Variants in USP13 observed in about 807,000 individuals in gnomAD.
USP13 encodes ubiquitin carboxyl-terminal hydrolase 13.
Under a neutral mutation model 107.8 loss-of-function variants are expected in USP13, and 68 were observed. The ratio of observed to expected loss-of-function variants is 0.63; its 90% CI spans 0.52 to 0.77. The LOEUF is 0.77. Among genes scored for constraint, USP13 ranks in the 30% least tolerant of loss-of-function variants. The pLI, the probability that USP13 is intolerant of heterozygous loss-of-function variation, is 0.00. For missense variants in USP13, 945 were observed against 1,093.3 expected (o/e 0.86, Z 1.91); for synonymous variants, 377 against 389.5 (o/e 0.97, Z 0.38).
chr3:179,745,032 C>G lies in USP13; in HGVS notation c.1535-11C>G. 6.2e-7 allele frequency: 1 copy of G among 1,614,028 alleles called. No homozygotes were observed. The highest frequency in any genetic ancestry group is 8.5e-7 in the Non-Finnish European group (1 of 1,179,972). On this transcript the variant is annotated splice_polypyrimidine_tract_variant and intron_variant, in intron 12 of 20. Coordinates refer to ENST00000263966, the MANE Select transcript of USP13 (RefSeq NM_003940.3). ...GCGATTGCAAGGTCTTTGATTTGCT[C>G]TTTCACCCAGATGAACTGATCGCTT...
chr3:179,654,213 C>CA (rs61231956), intron 1 of USP13, among the ~76,000 whole-genome samples: 22,442 of 105,402 alleles, frequency 0.21, 3,575 homozygotes, highest in African/African-American at 0.39. Flanking sequence ...GACTCCGTCT[C>CA]AAAAAAAAAA....
chr3:179,712,172 C>T (rs943309461), intron 6 of USP13, among the ~76,000 whole-genome samples: 7 of 152,176 alleles, frequency 4.6e-5, no homozygotes, highest in African/African-American at 1.7e-4. Flanking sequence ...AGAATTAATT[C>T]TATTCTTTGT....
At chr3:179,695,403 A>G (rs1047407984) in intron 3 of USP13, among the ~76,000 whole-genome samples, 2 of 152,114 alleles carry the variant, frequency 1.3e-5, no homozygotes, top group African/African-American at 4.8e-5. Flanking sequence ...AGCTGAGGCC[A>G]CTGGCTGGTG....
chr3:179,707,785 G>A (rs1712776049), intron 5 of USP13, among the ~76,000 whole-genome samples: 1 of 152,148 alleles, frequency 6.6e-6, no homozygotes, highest in Non-Finnish European at 1.5e-5. Context: ...ATAGGCAGAT[G>A]GATTAGGAAT....
rs141541520 is a variant in USP13, at chr3:179,759,736, C to T, written c.1949-1376C>T. ...GTCACCAGGTTGGAGTGCCGTGGCG[C>T]GATCTCAGCCCACTGCAACCTCTGC... On this transcript the variant is annotated intron_variant, in intron 16 of 20. Coordinates refer to ENST00000263966, the MANE Select transcript of USP13 (RefSeq NM_003940.3). Among the ~76,000 whole-genome samples the T allele has an allele frequency of 2.1e-3, 316 of 152,136 alleles. 3 individuals are homozygous for T. Among genetic ancestry groups the T allele is most frequent in the African/African-American group, 7.2e-3 (299 of 41,504 alleles).
At chr3:179,755,545 G>A (rs1408816355) in intron 15 of USP13, among the ~76,000 whole-genome samples, 6 of 152,096 alleles carry the variant, frequency 3.9e-5, no homozygotes, top group Non-Finnish European at 5.9e-5. Flanking sequence ...TGATCTGCCC[G>A]CCTCAGCCTC....
chr3:179,756,593 A>T (rs1714809221), intron 15 of USP13, among the ~76,000 whole-genome samples: 1 of 151,992 alleles, frequency 6.6e-6, no homozygotes, highest in Non-Finnish European at 1.5e-5. Context: ...AAAATAAAAA[A>T]TTTAAAAGTT....
At chr3:179,711,201 C>T (rs1356419881) in intron 6 of USP13, among the ~76,000 whole-genome samples, 1 of 152,094 alleles carries the variant, frequency 6.6e-6, no homozygotes, top group Admixed American at 6.6e-5. Flanking sequence ...ATACATTATA[C>T]AGCTGTACAC....
At chr3:179,687,457 C>T (rs1355903777) in intron 2 of USP13, among the ~76,000 whole-genome samples, 3 of 151,460 alleles carry the variant, frequency 2.0e-5, no homozygotes, top group African/African-American at 7.3e-5. Context: ...GTCGGGAGTT[C>T]GAGACCAGCC....
chr3:179,763,153 C>A (rs1576986265), intron 17 of USP13, among the ~76,000 whole-genome samples: 1 of 151,484 alleles, frequency 6.6e-6, no homozygotes, highest in East Asian at 1.9e-4. Flanking sequence ...TTTGTGTTTT[C>A]CCCCCCATTC....
At chr3:179,752,431 G>C in intron 14 of USP13, 58 bp downstream of exon 14, 5 of 1,350,080 alleles carry the variant, frequency 3.7e-6, no homozygotes, top group Non-Finnish European at 5.3e-6. Context: ...TAAACAACAT[G>C]GCATGTGAAA....
At chr3:179,673,552 A>G (rs1470757708) in intron 1 of USP13, among the ~76,000 whole-genome samples, 1 of 152,214 alleles carries the variant, frequency 6.6e-6, no homozygotes, top group Non-Finnish European at 1.5e-5. Context: ...ATAGATTTCA[A>G]TGAGCATGAC....
At chr3:179,774,512 C>A (rs563968684) in intron 19 of USP13, among the ~76,000 whole-genome samples, 14 of 148,786 alleles carry the variant, frequency 9.4e-5, no homozygotes, top group Non-Finnish European at 2.1e-4. Context: ...TAAGGCAGCA[C>A]GTCTGGAGTT....
intron 1 of USP13, among the ~76,000 whole-genome samples, chr3:179,664,131 T>G (rs913042457): frequency 7.7e-6 from 1 of 129,216 alleles, no homozygotes; most frequent in Non-Finnish European, 1.6e-5. Context: ...TCTGGGTGTG[T>G]TTTTTTTTTT....
intron 17 of USP13, 49 bp from the exon 18 acceptor site, chr3:179,763,950 CAAA>C (rs556912091): frequency 0.012 from 13,973 of 1,190,922 alleles, no homozygotes; most frequent in South Asian, 0.017. Flanking sequence ...TGTTTCAGGA[CAAA>C]AAAAAAAAAA....
intron 13 of USP13, among the ~76,000 whole-genome samples, chr3:179,749,073 C>G (rs1714507433): frequency 6.6e-6 from 1 of 152,080 alleles, no homozygotes; most frequent in Non-Finnish European, 1.5e-5. Flanking sequence ...TATTTTCAAC[C>G]AGTAGACAGG....
In USP13 at chr3:179,740,226, CA is replaced by C. The variant is rs1168348375; in HGVS notation, c.1255-20del. ...AATTTGCATGAAAGTATCATAAGTCCATTTCATTTTTATACATTAGCCACAG... is the reference window on the plus strand; with the variant it reads ...AATTTGCATGAAAGTATCATAAGTCCTTTCATTTTTATACATTAGCCACAG... On this transcript the variant is annotated intron_variant, in intron 10 of 20. Transcript: ENST00000263966. 2.5e-6 allele frequency: 4 copies of C among 1,612,538 alleles called. No homozygotes were observed. The highest frequency in any genetic ancestry group is 1.7e-5 in the Admixed American group (1 of 59,960).
intron 8 of USP13, among the ~76,000 whole-genome samples, chr3:179,726,551 T>G (rs1713521549): frequency 2.6e-5 from 4 of 152,148 alleles, no homozygotes; most frequent in Admixed American, 2.6e-4. Context: ...AGGATAAGCT[T>G]GCCAGGAGGG....
chr3:179,745,115 G>T lies in USP13; in HGVS notation c.1607G>T (p.Arg536Leu), dbSNP rs765271688. 1 of 1,614,160 alleles carries T rather than the reference G, an allele frequency of 6.2e-7. No homozygotes were observed. Among genetic ancestry groups the T allele is most frequent in the Non-Finnish European group, 8.5e-7 (1 of 1,180,038 alleles). The change falls in exon 13 of 21, where the codon CGT becomes CTT. Residue 536 changes from arginine to leucine, a missense_variant. By Grantham distance (102) the Arg-to-Leu change is moderately radical (BLOSUM62 -2). Transcript: ENST00000263966. ...ANRRPLPELVRAKIPFSACLQ... is the reference protein window; with the variant it reads ...ANRRPLPELVLAKIPFSACLQ... ...AGAAGACCCCTTCCTGAGTTGGTAC[G>T]TGCCAAGATACCATTTAGTGCCTGC...
Sources: gnomAD v4.1 joint callset for allele counts (sites outside exome capture counted in the v4.1 genomes callset) on GRCh38, gnomAD v4.1.1 for gene constraint, MANE v1.5 for transcripts, NCBI Gene and HGNC (gene_info 2026-07-23, HGNC 2026-07-21) for gene names.